TMCC3: variants seen among roughly 807,000 people sequenced by gnomAD.
TMCC3 encodes the protein transmembrane and coiled-coil domain protein 3.
Under a neutral mutation model 40.2 loss-of-function variants are expected in TMCC3, and 28 were observed. That is an observed-to-expected ratio of 0.70 (90% CI 0.52 to 0.95). The LOEUF is 0.95. Among genes scored for constraint, TMCC3 ranks in the 40% least tolerant of loss-of-function variants. TMCC3 has a pLI of 0.00. For synonymous variants in TMCC3, 255 were observed against 248.5 expected, an observed-to-expected ratio of 1.03 and a Z score of -0.25; for missense variants, 554 against 615.2, an observed-to-expected ratio of 0.90 and a Z score of 1.05.
chr12:94,644,012 TG>T (rs1299783995), intron 1 of TMCC3, among the ~76,000 whole-genome samples: 5 of 152,258 alleles, frequency 3.3e-5, no homozygotes, highest in Non-Finnish European at 5.9e-5. Flanking sequence ...TCATGTTGCC[TG>T]GTGTACAGTA....
chr12:94,638,429 CCT>C (rs2068972137), intron 1 of TMCC3, among the ~76,000 whole-genome samples: 1 of 152,196 alleles, frequency 6.6e-6, no homozygotes, highest in South Asian at 2.1e-4. Context: ...TATAAGCACC[CCT>C]CTCAAGCATC....
intron 3 of TMCC3, among the ~76,000 whole-genome samples, chr12:94,574,343 A>G (rs1335846136): frequency 2.0e-5 from 3 of 151,566 alleles, no homozygotes; most frequent in Non-Finnish European, 4.4e-5. Context: ...AGCCGAGATC[A>G]CGCCACTACA....
intron 1 of TMCC3, among the ~76,000 whole-genome samples, chr12:94,631,171 G>A (rs1456871859): frequency 2.0e-5 from 3 of 152,188 alleles, no homozygotes; most frequent in South Asian, 2.1e-4. Flanking sequence ...CTTTTTAAAC[G>A]GTTTTCTGCC....
chr12:94,633,723 C>T (rs1396185993), intron 1 of TMCC3, among the ~76,000 whole-genome samples: 2 of 152,142 alleles, frequency 1.3e-5, no homozygotes, highest in East Asian at 3.9e-4. Flanking sequence ...AATAAGCTTG[C>T]TGCCCTAGAA....
At chr12:94,594,251 G>T (rs1373250204) in intron 1 of TMCC3, among the ~76,000 whole-genome samples, 2 of 146,978 alleles carry the variant, frequency 1.4e-5, no homozygotes, top group African/African-American at 2.6e-5. Flanking sequence ...AGAGAGAGAG[G>T]TCTCTCACTC....
intron 1 of TMCC3, among the ~76,000 whole-genome samples, chr12:94,620,517 A>C (rs1256404688): frequency 3.3e-5 from 5 of 151,724 alleles, no homozygotes; most frequent in Non-Finnish European, 7.4e-5. Context: ...TGAACTCCTG[A>C]CCTCAGGTGA....
chr12:94,576,968 A>C (rs533932946), intron 3 of TMCC3, among the ~76,000 whole-genome samples: 2 of 152,208 alleles, frequency 1.3e-5, no homozygotes, highest in South Asian at 4.1e-4. Flanking sequence ...TTCCTTCCTT[A>C]AGAATGACTT....
At position 94,597,954 on chromosome 12, in the gene TMCC3, CA is replaced by C. The variant is rs1358712985; in HGVS notation, c.79-15417del. ...AGGAATTCTTTTACCCTCCAAAGTC[CA>C]AGAAGGCAACGACTTGTTTAAAGGA... is the stretch of plus-strand genomic sequence containing the variant. On this transcript the variant is annotated intron_variant, in intron 1 of 3. Coordinates refer to ENST00000261226, the MANE Select transcript of TMCC3 (RefSeq NM_020698.4). Among the ~76,000 whole-genome samples the C allele has an allele frequency of 2.6e-5, 4 of 152,172 alleles. No individual in the cohort carries two copies. The East Asian group carries it at 7.7e-4, about 29-fold the overall frequency.
chr12:94,626,842 G>C (rs945778181), intron 1 of TMCC3, among the ~76,000 whole-genome samples: 11 of 151,926 alleles, frequency 7.2e-5, no homozygotes, highest in African/African-American at 2.7e-4. Context: ...ATTTGTTTTT[G>C]TTGTTGTTGT....
intron 1 of TMCC3, among the ~76,000 whole-genome samples, chr12:94,645,562 C>T (rs2069013757): frequency 6.6e-6 from 1 of 152,110 alleles, no homozygotes; most frequent in South Asian, 2.1e-4. Flanking sequence ...CTCAGCCTCC[C>T]TAGTAGCTGG....
At chr12:94,641,495 A>G (rs1223706936) in intron 1 of TMCC3, among the ~76,000 whole-genome samples, 2 of 151,958 alleles carry the variant, frequency 1.3e-5, no homozygotes, top group African/African-American at 4.8e-5. Flanking sequence ...TTCTAGGGGG[A>G]CGCTTCACTG....
intron 1 of TMCC3, among the ~76,000 whole-genome samples, chr12:94,599,568 GC>G (rs1566323334): frequency 1.6e-5 from 2 of 126,386 alleles, no homozygotes; most frequent in Admixed American, 7.9e-5. Flanking sequence ...CCCCCCCCCC[GC>G]CCACACACAC....
chr12:94,629,574 C>T (rs563005115), intron 1 of TMCC3, among the ~76,000 whole-genome samples: 1 of 152,188 alleles, frequency 6.6e-6, no homozygotes, highest in Non-Finnish European at 1.5e-5. Context: ...CCTCCCCTTA[C>T]ATTTTCTACT....
chr12:94,618,177 T>C (rs2068857297), intron 1 of TMCC3, among the ~76,000 whole-genome samples: 1 of 152,232 alleles, frequency 6.6e-6, no homozygotes, highest in African/African-American at 2.4e-5. Context: ...AGCTTGTTCA[T>C]TTTTCTTCAG....
intron 1 of TMCC3, among the ~76,000 whole-genome samples, chr12:94,628,959 A>G (rs1052669868): frequency 1.3e-5 from 2 of 152,178 alleles, no homozygotes; most frequent in East Asian, 1.9e-4. Context: ...GTTAGAAAAA[A>G]GGTGATGGAT....
chr12:94,583,265 G>A (rs961001380), intron 1 of TMCC3, among the ~76,000 whole-genome samples: 3 of 151,556 alleles, frequency 2.0e-5, no homozygotes, highest in Admixed American at 2.0e-4. Flanking sequence ...AGCACTTTGG[G>A]AGGCCCAGGC....
At chr12:94,599,484 A>T (rs1381853540) in intron 1 of TMCC3, among the ~76,000 whole-genome samples, 2 of 152,116 alleles carry the variant, frequency 1.3e-5, no homozygotes, top group Non-Finnish European at 2.9e-5. Context: ...CAGGGTCTCA[A>T]ATTCATACCA....
At chr12:94,648,981 G>C (rs2069036468) in intron 1 of TMCC3, among the ~76,000 whole-genome samples, 1 of 152,218 alleles carries the variant, frequency 6.6e-6, no homozygotes, top group South Asian at 2.1e-4. Context: ...ATGTCTACCT[G>C]TGGGTAAGCA....
intron 1 of TMCC3, among the ~76,000 whole-genome samples, chr12:94,647,399 A>G (rs566439660): frequency 1.5e-4 from 23 of 152,324 alleles, no homozygotes; most frequent in African/African-American, 5.1e-4. Flanking sequence ...CCAGCAAGAC[A>G]GACCATGTAG....
Sources: gnomAD v4.1 joint callset for allele counts (sites outside exome capture counted in the v4.1 genomes callset) on GRCh38, gnomAD v4.1.1 for gene constraint, MANE v1.5 for transcripts, NCBI Gene and HGNC (gene_info 2026-07-23, HGNC 2026-07-21) for gene names.